USP32: variants seen among roughly 807,000 people sequenced by gnomAD.
The protein encoded by USP32 is ubiquitin specific peptidase 32.
USP32 carries 59 observed loss-of-function variants against 204.8 expected under a neutral mutation model. The observed-to-expected ratio is 0.29, with a 90% CI of 0.23 to 0.36. The LOEUF is 0.36. Ranked by LOEUF, USP32 falls within the 10% of genes least tolerant of loss-of-function variation. The pLI, the probability that USP32 is intolerant of heterozygous loss-of-function variation, is 1.00. For missense variants in USP32, 1,160 were observed against 1,946.4 expected, an observed-to-expected ratio of 0.60 and a Z score of 7.60; for synonymous variants, 517 against 678.4, an observed-to-expected ratio of 0.76 and a Z score of 3.70.
intron 2 of USP32, among the ~76,000 whole-genome samples, chr17:60,304,272 C>A (rs1273425150): frequency 6.6e-6 from 1 of 151,188 alleles, no homozygotes; most frequent in Non-Finnish European, 1.5e-5. Context: ...ATATTGAAAG[C>A]ACTAAAGGAA....
intron 1 of USP32, among the ~76,000 whole-genome samples, chr17:60,384,203 G>A (rs1433355494): frequency 6.6e-6 from 1 of 152,186 alleles, no homozygotes; most frequent in African/African-American, 2.4e-5. Flanking sequence ...ACTAGTGGAG[G>A]CCTATCTTGT....
intron 16 of USP32, among the ~76,000 whole-genome samples, chr17:60,218,115 C>T (rs114298827): frequency 9.9e-4 from 150 of 152,224 alleles, no homozygotes; most frequent in African/African-American, 3.1e-3. Flanking sequence ...ATAATTACTA[C>T]GAAACACTAC....
rs991200478 is a variant in USP32, at chr17:60,344,855, T to A, written c.186+626A>T. Among the ~76,000 whole-genome samples, 6 of 152,280 alleles carry A rather than the reference T, an allele frequency of 3.9e-5. No individual in the cohort carries two copies. The East Asian group carries it at 1.2e-3, about 29-fold the overall frequency. On this transcript the variant is annotated intron_variant, in intron 2 of 33. Transcript: ENST00000300896. The stretch of plus-strand genomic sequence containing the variant: ...TTTATTTTATTTTTTTTAGAGACAG[T>A]GTCTCACTATGTTGCCTAGACTGGA...
At chr17:60,207,940 T>A (rs964329653) in intron 24 of USP32, 119 bp downstream of exon 24, 3 of 1,444,284 alleles carry the variant, frequency 2.1e-6, no homozygotes, top group Admixed American at 4.9e-5. Flanking sequence ...TGTTGTTCAG[T>A]TTTCGTTATG....
chr17:60,392,192 T>G, upstream of USP32: 1 of 437,126 alleles, frequency 2.3e-6, no homozygotes, highest in Non-Finnish European at 4.1e-6. Context: ...CTCTCCTCTC[T>G]CTCCTCCCTC....
intron 2 of USP32, among the ~76,000 whole-genome samples, chr17:60,341,905 T>C (rs944458460): frequency 2.0e-5 from 3 of 152,224 alleles, no homozygotes; most frequent in Admixed American, 6.5e-5. Context: ...CCTACTTCTG[T>C]CAACTCGTCA....
At chr17:60,404,314 A>G (rs1308903722) in intron 1 of USP32, among the ~76,000 whole-genome samples, 1 of 152,142 alleles carries the variant, frequency 6.6e-6, no homozygotes, top group East Asian at 1.9e-4. Flanking sequence ...TCTTTGTGCT[A>G]TTCTTGTGTT....
At chr17:60,314,672 C>T (rs897233829) in intron 2 of USP32, among the ~76,000 whole-genome samples, 2 of 152,050 alleles carry the variant, frequency 1.3e-5, no homozygotes, top group East Asian at 1.9e-4. Flanking sequence ...TGAACAGAAA[C>T]ATATTTGAAG....
intron 2 of USP32, among the ~76,000 whole-genome samples, chr17:60,329,236 C>G (rs1188081754): frequency 6.6e-6 from 1 of 150,854 alleles, no homozygotes; most frequent in African/African-American, 2.4e-5. Context: ...GCTCCATCTT[C>G]TTGGTATATT....
At chr17:60,198,538 T>C (rs2084587096) in intron 26 of USP32, 94 bp from the exon 27 acceptor site, 4 of 1,391,656 alleles carry the variant, frequency 2.9e-6, no homozygotes, top group Admixed American at 2.2e-5. Context: ...ACAGGCACTA[T>C]CACCATTTCA....
chr17:60,294,806 G>T lies in USP32; in HGVS notation c.293-5C>A, dbSNP rs1171379046. ...TTGAAAAAAGACTAAAAATGTCTAA[G>T]AAAAAGAAAGATAGAATAAATTAAT... On this transcript the variant is annotated splice_region_variant and splice_polypyrimidine_tract_variant and intron_variant, in intron 3 of 33. Transcript: ENST00000300896. 1 of 1,559,978 alleles carries T rather than the reference G, an allele frequency of 6.4e-7. No homozygotes were observed. The highest frequency in any genetic ancestry group is 2.3e-5 in the East Asian group (1 of 44,444).
chr17:60,231,897 C>T (rs1349263140), intron 12 of USP32, among the ~76,000 whole-genome samples: 2 of 152,110 alleles, frequency 1.3e-5, no homozygotes, highest in Non-Finnish European at 2.9e-5. Context: ...TGAGCAGAGA[C>T]ACAATCAAAT....
At chr17:60,308,918 A>G (rs1159342971) in intron 2 of USP32, among the ~76,000 whole-genome samples, 1 of 152,126 alleles carries the variant, frequency 6.6e-6, no homozygotes, top group Admixed American at 6.6e-5. Flanking sequence ...ACAGAGCAAG[A>G]CTCTGTCTCA....
intron 3 of USP32, among the ~76,000 whole-genome samples, chr17:60,300,332 G>C (rs1037291634): frequency 1.3e-5 from 2 of 152,064 alleles, no homozygotes; most frequent in African/African-American, 4.8e-5. Flanking sequence ...ATAATTAAAT[G>C]AATGAACTTT....
At chr17:60,372,766 C>T (rs927714280) in intron 1 of USP32, among the ~76,000 whole-genome samples, 3 of 150,500 alleles carry the variant, frequency 2.0e-5, no homozygotes, top group East Asian at 3.9e-4. Context: ...ATAACTTGAG[C>T]CCTTGAGCCC....
chr17:60,211,271 A>G, intron 20 of USP32, 105 bp downstream of exon 20: 1 of 1,521,064 alleles, frequency 6.6e-7, no homozygotes, highest in South Asian at 1.3e-5. Context: ...TAGGGCAAAT[A>G]AGATAAAATC....
At chr17:60,342,804 T>C (rs549118458) in intron 2 of USP32, among the ~76,000 whole-genome samples, 3 of 152,278 alleles carry the variant, frequency 2.0e-5, no homozygotes, top group Admixed American at 6.5e-5. Flanking sequence ...GGCAGGAGTG[T>C]CCCGTTTTTC....
intron 2 of USP32, among the ~76,000 whole-genome samples, chr17:60,307,758 C>T (rs995523009): frequency 5.3e-5 from 8 of 152,118 alleles, no homozygotes; most frequent in African/African-American, 1.9e-4. Flanking sequence ...TGCCTTGGTG[C>T]CCAAATGTTG....
At chr17:60,199,904 T>A (rs1016206374) in intron 26 of USP32, among the ~76,000 whole-genome samples, 1 of 152,156 alleles carries the variant, frequency 6.6e-6, no homozygotes, top group Non-Finnish European at 1.5e-5. Context: ...GGTTAGAAAC[T>A]TCAAGCCAGG....
Sources: gnomAD v4.1 joint callset for allele counts (sites outside exome capture counted in the v4.1 genomes callset) on GRCh38, gnomAD v4.1.1 for gene constraint, MANE v1.5 for transcripts, NCBI Gene and HGNC (gene_info 2026-07-23, HGNC 2026-07-21) for gene names.